Variants in SIK3 observed in about 807,000 individuals in gnomAD.
SIK3 encodes the protein serine/threonine-protein kinase SIK3.
In SIK3, 28 loss-of-function variants were observed where a neutral mutation model predicts 144.2. The ratio of observed to expected loss-of-function variants is 0.19; its 90% CI spans 0.14 to 0.27. The LOEUF (loss-of-function observed/expected upper bound fraction) is 0.27, where lower values mean the gene tolerates loss of function less well. Ranked by LOEUF, SIK3 falls within the 10% of genes least tolerant of loss-of-function variation. SIK3 has a pLI of 1.00. For synonymous variants in SIK3, 686 were observed against 676.3 expected, an observed-to-expected ratio of 1.01 and a Z score of -0.22; for missense variants, 1,319 against 1,776.0, an observed-to-expected ratio of 0.74 and a Z score of 4.62.
intron 1 of SIK3, among the ~76,000 whole-genome samples, chr11:116,981,980 T>C (rs1950154109): frequency 6.6e-6 from 1 of 152,274 alleles, no homozygotes; most frequent in African/African-American, 2.4e-5. Context: ...GTATAAAATC[T>C]GACTGCAAAT....
intron 3 of SIK3, among the ~76,000 whole-genome samples, chr11:116,950,415 G>A (rs1948879425): frequency 1.3e-5 from 2 of 152,174 alleles, no homozygotes; most frequent in South Asian, 2.1e-4. Flanking sequence ...GTTCCAAAGC[G>A]AAAACTAGGT....
At chr11:117,042,015 A>G (rs560097991) in intron 1 of SIK3, among the ~76,000 whole-genome samples, 12 of 151,784 alleles carry the variant, frequency 7.9e-5, no homozygotes, top group Admixed American at 4.6e-4. Flanking sequence ...CTTTTGTCCC[A>G]TGTACTCATG....
rs774495454 is a variant in SIK3, at chr11:117,098,251, G to C, written c.165C>G (p.Ser55=). The C allele has an allele frequency of 1.4e-6, 2 of 1,452,868 alleles. No individual in the cohort carries two copies. Among genetic ancestry groups the C allele is most frequent in the South Asian group, 1.3e-5 (1 of 79,394 alleles). 90.0% of individuals were successfully genotyped at this position (1,452,868 alleles called of 1,614,324 possible). The change falls in exon 1 of 25, where the codon TCC becomes TCG. Residue 55 remains serine, a synonymous_variant. Transcript: ENST00000445177. ...AGQPRPPAPA[S]RGPMPARIGY... is the part of the protein sequence containing the mutation. ...CGATACGGGCGGGCATGGGTCCGCG[G>C]GAGGCCGGGGCTGGGGGACGCGGCT...
Position 116,858,061 on chromosome 11 carries a change from G to A in SIK3, c.3404C>T (p.Pro1135Leu), listed in dbSNP as rs760068107. The change falls in exon 21 of 25, where the codon CCG (proline) becomes CTG (leucine). Residue 1135 changes from proline to leucine, a missense_variant. Around this residue, in one of 8 missense-constraint regions of SIK3, gnomAD observed 646 missense variants for 763.7 expected, o/e 0.85. Coordinates refer to ENST00000445177, the MANE Select transcript of SIK3 (RefSeq NM_001366686.3). This position sits in a 1 kb window ranked among gnomAD's most constrained non-coding sequence, Gnocchi z 5.4. ...CATGCTCTCTGAATGCATCAGTGCC[G>A]GCTGGTGAGCATACCCGTGGGGCGG... Reference protein sequence around the residue: ...PTPPHGYAHQPALMHSESMEE... With the variant: ...PTPPHGYAHQLALMHSESMEE... 15 of 1,613,624 alleles carry A rather than the reference G, an allele frequency of 9.3e-6. No homozygotes were observed. Among genetic ancestry groups the A allele is most frequent in the Middle Eastern group, 3.3e-4 (2 of 6,080 alleles).
chr11:116,952,110 T>C (rs979826546), intron 3 of SIK3, among the ~76,000 whole-genome samples: 3 of 152,128 alleles, frequency 2.0e-5, no homozygotes, highest in African/African-American at 7.2e-5. Context: ...CACCAATAAA[T>C]GTCGTTCTAT....
intron 1 of SIK3, 55 bp from the exon 2 acceptor site, chr11:116,957,119 AG>A: frequency 1.1e-6 from 1 of 927,706 alleles, no homozygotes; most frequent in East Asian, 2.7e-5. Context: ...CAGTTTACTA[AG>A]AAAAATTAGG....
chr11:116,870,570 C>T (rs185417163), intron 13 of SIK3, among the ~76,000 whole-genome samples, 169 bp from the exon 14 acceptor site: 2 of 152,238 alleles, frequency 1.3e-5, no homozygotes, highest in East Asian at 3.9e-4. Flanking sequence ...TCCATTTTTA[C>T]CTTGCTTAGG....
chr11:116,873,145 G>T (rs1170696135), intron 13 of SIK3, among the ~76,000 whole-genome samples: 1 of 152,228 alleles, frequency 6.6e-6, no homozygotes, highest in Admixed American at 6.5e-5. Context: ...GGCAGGGAAA[G>T]GTTGCCTGGG....
intron 1 of SIK3, among the ~76,000 whole-genome samples, chr11:117,025,853 G>A (rs1398411858): frequency 6.6e-6 from 1 of 152,052 alleles, no homozygotes; most frequent in African/African-American, 2.4e-5. Flanking sequence ...AGTCAGACCT[G>A]GAACTCAAAT....
At chr11:116,950,294 TGAG>T (rs377382688) in intron 3 of SIK3, 6 of 359,948 alleles carry the variant, frequency 1.7e-5, no homozygotes, top group African/African-American at 4.4e-5. Flanking sequence ...TGGAGAGAAT[TGAG>T]GAGAAGTGAC....
At chr11:117,007,334 C>T (rs749213406) in intron 1 of SIK3, among the ~76,000 whole-genome samples, 5 of 152,148 alleles carry the variant, frequency 3.3e-5, no homozygotes, top group Non-Finnish European at 5.9e-5. Context: ...GCGAAGATCA[C>T]GCCACTGCAC....
At chr11:117,030,586 TAC>T (rs1952215744) in intron 1 of SIK3, among the ~76,000 whole-genome samples, 2 of 152,228 alleles carry the variant, frequency 1.3e-5, no homozygotes, top group South Asian at 4.1e-4. Flanking sequence ...GGAAGTTATA[TAC>T]AGTTATTGAG....
rs773564219 is a variant in SIK3 at position 116,849,124 on chromosome 11, G to C, written c.3815C>G (p.Ala1272Gly). Residue 1272 changes from alanine to glycine, a missense_variant, in exon 22 of 25, where the codon GCT becomes GGT. Ala to Gly is a moderately conservative substitution (Grantham distance 60, BLOSUM62 0). Transcript: ENST00000445177. The surrounding 1 kb of genome is among the most constrained non-coding windows in gnomAD (Gnocchi z 4.2). ...RHHTIQNSDD[A>G]YVQLDNLPGM... ...CAGCAGGTGGGACCAACATACATAA[G>C]CATCGTCGCTGTTCTGGATCGTGTG... 6.3e-7 allele frequency: 1 copy of C among 1,589,594 alleles called. No individual in the cohort carries two copies. The highest frequency in any genetic ancestry group is 2.2e-5 in the East Asian group (1 of 44,518).
chr11:116,948,287 T>G (rs2135349111), intron 3 of SIK3, among the ~76,000 whole-genome samples: 1 of 151,240 alleles, frequency 6.6e-6, no homozygotes, highest in African/African-American at 2.4e-5. Flanking sequence ...ATCATTTTTA[T>G]TTTTTTTTAA....
intron 2 of SIK3, 58 bp downstream of exon 2, chr11:116,956,890 C>G: frequency 2.0e-6 from 2 of 1,025,460 alleles, no homozygotes; most frequent in Middle Eastern, 2.2e-4. Flanking sequence ...TCAAAGGGAG[C>G]CATACATACA....
At chr11:117,000,302 T>C (rs1025471372) in intron 1 of SIK3, among the ~76,000 whole-genome samples, 2 of 152,224 alleles carry the variant, frequency 1.3e-5, no homozygotes, top group African/African-American at 2.4e-5. Flanking sequence ...ATACAGAAGA[T>C]GTGCACAGGA....
intron 6 of SIK3, among the ~76,000 whole-genome samples, chr11:116,891,915 T>C (rs1343729226): frequency 1.3e-5 from 2 of 152,196 alleles, no homozygotes; most frequent in Admixed American, 6.5e-5. Flanking sequence ...ACTGATCAGC[T>C]GTGGCACTGG....
chr11:116,957,914 C>T (rs774694059), intron 1 of SIK3, among the ~76,000 whole-genome samples: 40 of 152,020 alleles, frequency 2.6e-4, no homozygotes, highest in Non-Finnish European at 4.4e-4. Flanking sequence ...TCCAATGTGC[C>T]CCCTTTTAAT....
chr11:117,048,236 C>T (rs540362856), intron 1 of SIK3, among the ~76,000 whole-genome samples: 1 of 152,230 alleles, frequency 6.6e-6, no homozygotes, highest in African/African-American at 2.4e-5. Flanking sequence ...GCTATTTATG[C>T]AAATAATGGC....
Sources: allele counts gnomAD v4.1 joint callset (sites outside exome capture counted in the v4.1 genomes callset), GRCh38; gene constraint gnomAD v4.1.1; regional missense constraint gnomAD v4.1.1; non-coding constraint Gnocchi (gnomAD v3.1); transcripts MANE v1.5; gene names NCBI Gene and HGNC (gene_info 2026-07-23, HGNC 2026-07-21).